Variants in SULT1C2 observed in about 807,000 individuals in gnomAD.
The protein encoded by SULT1C2 is sulfotransferase 1C2.
A neutral mutation model predicts 36.0 loss-of-function variants in SULT1C2; 27 were observed. The ratio of observed to expected loss-of-function variants is 0.75; its 90% CI spans 0.55 to 1.03. SULT1C2 has a LOEUF of 1.03. Among genes scored for constraint, SULT1C2 ranks in the 50% least tolerant of loss-of-function variants. SULT1C2 has a pLI of 0.00. For synonymous variants in SULT1C2, 121 were observed against 116.0 expected (o/e 1.04, Z -0.27); for missense variants, 395 against 359.2 (o/e 1.10, Z -0.80).
intron 1 of SULT1C2, among the ~76,000 whole-genome samples, chr2:108,290,044 C>G (rs116444458): frequency 0.012 from 1,870 of 152,320 alleles, 15 homozygotes; most frequent in Middle Eastern, 0.041. Context: ...AGCACAACGC[C>G]TACCACAGAG....
chr2:108,306,684 G>A (rs1470228025), intron 7 of SULT1C2, among the ~76,000 whole-genome samples: 1 of 152,112 alleles, frequency 6.6e-6, no homozygotes, highest in African/African-American at 2.4e-5. Context: ...TAGGCAGGCA[G>A]ATCACGAGGT....
Position 108,305,580 on chromosome 2 carries a change from T to A in SULT1C2, c.763T>A (p.Ser255Thr). ...ATCTATCTTGGACCAGTCAATTTCC[T>A]CCTTCATGAGAAAAGGTGTGTGGGG... ...SKSILDQSIS[S>T]FMRKGTVGDW... is the part of the protein sequence containing the mutation. The change falls in exon 7 of 8, where the codon TCC becomes ACC. Residue 255 changes from serine (S) to threonine (T), a missense_variant. Ser to Thr is a moderately conservative substitution (Grantham distance 58). Transcript: ENST00000251481. The A allele has an allele frequency of 6.2e-7, 1 of 1,614,162 alleles. No individual in the cohort carries two copies. The highest frequency in any genetic ancestry group is 8.5e-7 in the Non-Finnish European group (1 of 1,180,002).
At chr2:108,294,078 G>T (rs1676662915) in intron 2 of SULT1C2, 151 bp from the exon 3 acceptor site, 5 of 1,432,322 alleles carry the variant, frequency 3.5e-6, no homozygotes, top group Non-Finnish European at 4.7e-6. Flanking sequence ...CATCCCTCAT[G>T]GACTTCTATC....
chr2:108,292,782 C>G (rs988241659), intron 1 of SULT1C2, among the ~76,000 whole-genome samples: 5 of 151,632 alleles, frequency 3.3e-5, no homozygotes, highest in Non-Finnish European at 7.4e-5. Context: ...GAGTATATAC[C>G]AAAAAAAATT....
At chr2:108,303,667 A>G (rs886691711) in intron 4 of SULT1C2, 1 of 152,218 alleles carries the variant, frequency 6.6e-6, no homozygotes, top group African/African-American at 2.4e-5. Context: ...AGACATAATT[A>G]ATACAGCACT....
chr2:108,306,016 A>G (rs1028222785), intron 7 of SULT1C2, among the ~76,000 whole-genome samples: 1 of 152,116 alleles, frequency 6.6e-6, no homozygotes, highest in Non-Finnish European at 1.5e-5. Context: ...TGCTTTTCAC[A>G]TATCTATTAG....
Position 108,293,738 on chromosome 2 carries a change from C to A in SULT1C2, c.71C>A (p.Ala24Glu). 1 of 1,614,116 alleles carries A rather than the reference C, an allele frequency of 6.2e-7. No homozygotes were observed. The highest frequency in any genetic ancestry group is 8.5e-7 in the Non-Finnish European group (1 of 1,180,008). The change falls in exon 2 of 8, where the codon GCA becomes GAA. Residue 24 changes from alanine to glutamate, a missense_variant. By Grantham distance (107) the Ala-to-Glu change is moderately radical. Coordinates refer to ENST00000251481, the MANE Select transcript of SULT1C2 (RefSeq NM_001056.4). ...GTGGAGGGGACCCTCCTGCAGCCTG[C>A]AACTGTGGACAACTGGAGCCAGATC... ...KEVEGTLLQP[A>E]TVDNWSQIQS...
chr2:108,290,335 C>A (rs759713875), intron 1 of SULT1C2, among the ~76,000 whole-genome samples: 16 of 152,154 alleles, frequency 1.1e-4, no homozygotes, highest in Non-Finnish European at 2.1e-4. Context: ...TAGGTCTCAT[C>A]CTAGCAGCCT....
chr2:108,296,119 T>A (rs1573246444), intron 3 of SULT1C2, among the ~76,000 whole-genome samples: 2 of 152,182 alleles, frequency 1.3e-5, no homozygotes, highest in African/African-American at 4.8e-5. Flanking sequence ...TTGTTCTACC[T>A]CCTGCCCCTG....
At position 108,296,259 on chromosome 2, in the gene SULT1C2, C is replaced by A. The variant is rs565209972; in HGVS notation, c.277+1905C>A. Among the ~76,000 whole-genome samples, 3 of 152,310 alleles carry A rather than the reference C, an allele frequency of 2.0e-5. No individual in the cohort carries two copies. The South Asian group carries it at 6.2e-4, about 32-fold the overall frequency. ...TTCAATCACTAAATCGGCATAAAAA[C>A]CAGGATAGAGCTGTAGAATCCAGAG... On this transcript the variant is annotated intron_variant, in intron 3 of 7. Transcript: ENST00000251481.
At position 108,294,303 on chromosome 2, in the gene SULT1C2, A is replaced by C. The variant is rs767402406; in HGVS notation, c.226A>C (p.Ile76Leu). The change falls in exon 3 of 8, where the codon ATC becomes CTC. Residue 76 changes from isoleucine to leucine, a missense_variant. By Grantham distance (5) the Ile-to-Leu change is conservative. Coordinates refer to ENST00000251481, the MANE Select transcript of SULT1C2 (RefSeq NM_001056.4). ...CGTGGAGAAGTGCCAGCGAGCCATCATCCAACACCGCCATCCTTTCATTGA... is the reference window on the plus strand; with the variant it reads ...CGTGGAGAAGTGCCAGCGAGCCATCCTCCAACACCGCCATCCTTTCATTGA... Reference protein sequence around the residue: ...GDVEKCQRAIIQHRHPFIEWA... With the variant: ...GDVEKCQRAILQHRHPFIEWA... 6 of 1,614,016 alleles carry C rather than the reference A, an allele frequency of 3.7e-6. No homozygotes were observed. In the African/African-American group the frequency reaches 8.0e-5, roughly 22 times the overall value.
Position 108,297,879 on chromosome 2 carries a change from G to C in SULT1C2, c.278-2959G>C, listed in dbSNP as rs189497178. On this transcript the variant is annotated intron_variant, in intron 3 of 7. Coordinates refer to ENST00000251481, the MANE Select transcript of SULT1C2 (RefSeq NM_001056.4). ...ACCAACAGGGCTGGATCAGGAGTAG[G>C]AGTGGGCCTTCTTATTTGTCATGGG... is the stretch of plus-strand genomic sequence containing the variant. 1.5e-3 allele frequency among the ~76,000 whole-genome samples: 227 copies of C among 152,326 alleles called. 3 individuals are homozygous for C. The highest frequency in any genetic ancestry group is 4.9e-3 in the African/African-American group (203 of 41,572).
chr2:108,298,552 A>ATTT (rs4149429), intron 3 of SULT1C2: 7 of 228,820 alleles, frequency 3.1e-5, no homozygotes, highest in Non-Finnish European at 5.2e-5. Flanking sequence ...TAATTTTGGT[A>ATTT]TTTTTTTTTT....
chr2:108,289,658 G>A (rs1368652054), intron 1 of SULT1C2, among the ~76,000 whole-genome samples: 1 of 152,208 alleles, frequency 6.6e-6, no homozygotes, highest in Non-Finnish European at 1.5e-5. Flanking sequence ...AAATGTCCCT[G>A]CTGGCTGCTC....
At chr2:108,301,119 G>C (rs185247875) in intron 4 of SULT1C2, 184 bp downstream of exon 4, 209 of 713,456 alleles carry the variant, frequency 2.9e-4, no homozygotes, top group Admixed American at 1.7e-3. Flanking sequence ...TTTCAAATAG[G>C]ACATGAAGGC....
intron 4 of SULT1C2, chr2:108,302,144 C>T (rs1049751050): frequency 3.3e-5 from 5 of 152,144 alleles, no homozygotes; most frequent in African/African-American, 1.2e-4. Flanking sequence ...GAAACTGAAA[C>T]TCAGAGAGGC....
chr2:108,304,857 T>TCA (rs1676982412), intron 5 of SULT1C2, among the ~76,000 whole-genome samples, 157 bp downstream of exon 5: 2 of 152,216 alleles, frequency 1.3e-5, no homozygotes, highest in African/African-American at 4.8e-5. Context: ...ACTGAGTGTA[T>TCA]GCCCACAGCC....
chr2:108,294,300 A>C lies in SULT1C2; in HGVS notation c.223A>C (p.Ile75Leu). 3 of 1,614,136 alleles carry C rather than the reference A, an allele frequency of 1.9e-6. No individual in the cohort carries two copies. The highest frequency in any genetic ancestry group is 2.5e-6 in the Non-Finnish European group (3 of 1,180,004). The change falls in exon 3 of 8, where the codon ATC (isoleucine) becomes CTC (leucine). Residue 75 changes from isoleucine to leucine, a missense_variant. Physicochemically the swap from Ile to Leu is conservative, Grantham distance 5. Coordinates refer to ENST00000251481, the MANE Select transcript of SULT1C2 (RefSeq NM_001056.4). The stretch of plus-strand genomic sequence containing the variant: ...GGACGTGGAGAAGTGCCAGCGAGCC[A>C]TCATCCAACACCGCCATCCTTTCAT... ...NGDVEKCQRA[I>L]IQHRHPFIEW...
At chr2:108,295,528 C>T (rs144644365) in intron 3 of SULT1C2, among the ~76,000 whole-genome samples, 1 of 152,070 alleles carries the variant, frequency 6.6e-6, no homozygotes, top group Non-Finnish European at 1.5e-5. Context: ...CTCCATCACT[C>T]ACCTCACAAC....
Sources: gnomAD v4.1 joint callset for allele counts (sites outside exome capture counted in the v4.1 genomes callset) on GRCh38, gnomAD v4.1.1 for gene constraint, MANE v1.5 for transcripts, NCBI Gene and HGNC (gene_info 2026-07-23, HGNC 2026-07-21) for gene names.